The following GNAL variants were observed in gnomAD, a reference collection of about 807,000 sequenced individuals.
GNAL encodes guanine nucleotide-binding protein G(olf) subunit alpha.
A neutral mutation model predicts 55.1 loss-of-function variants in GNAL; 18 were observed. The observed-to-expected ratio is 0.33, with a 90% CI of 0.23 to 0.48. GNAL has a LOEUF of 0.48. Ranked by LOEUF, GNAL falls within the 20% of genes least tolerant of loss-of-function variation. GNAL has a pLI of 0.99. For synonymous variants in GNAL, 253 were observed against 237.0 expected (o/e 1.07, Z -0.62); for missense variants, 412 against 614.1 (o/e 0.67, Z 3.48).
chr18:11,690,491 G>A (rs7231910), intron 1 of GNAL, among the ~76,000 whole-genome samples: 2,379 of 151,790 alleles, frequency 0.016, 64 homozygotes, highest in African/African-American at 0.054. Flanking sequence ...TAAGTTTTAG[G>A]GTACATGTGC....
At chr18:11,724,455 C>T (rs1380731788) in intron 1 of GNAL, among the ~76,000 whole-genome samples, 4 of 152,194 alleles carry the variant, frequency 2.6e-5, no homozygotes, top group Admixed American at 6.5e-5. Flanking sequence ...CCCAGAAAGA[C>T]GGTGCAGTGC....
In GNAL at chr18:11,884,604, G is replaced by T. The variant is rs757591266; in HGVS notation, c.*3469G>T. The stretch of plus-strand genomic sequence containing the variant: ...GTGGGAGGTAGCACTTGGAGAGGGT[G>T]TAGTCTGTGGGCGTGATGCTACCCT... On this transcript the variant is annotated 3_prime_UTR_variant, in exon 12 of 12. Coordinates refer to ENST00000334049, the MANE Select transcript of GNAL (RefSeq NM_182978.4). 3.7e-6 allele frequency: 6 copies of T among 1,613,782 alleles called. No individual in the cohort carries two copies. The highest frequency in any genetic ancestry group is 1.7e-4 in the Middle Eastern group (1 of 6,044).
chr18:11,781,439 C>A (rs1471518456), intron 4 of GNAL, among the ~76,000 whole-genome samples: 2 of 152,138 alleles, frequency 1.3e-5, no homozygotes, highest in Non-Finnish European at 2.9e-5. Flanking sequence ...CTCCCATACA[C>A]CCCCACAGCC....
At chr18:11,851,931 G>A in intron 5 of GNAL, 1 of 1,613,952 alleles carries the variant, frequency 6.2e-7, no homozygotes, top group Non-Finnish European at 8.5e-7. Flanking sequence ...GCAGCACGAC[G>A]ACGCTCACCA....
At chr18:11,809,812 A>G (rs2034763465) in intron 4 of GNAL, among the ~76,000 whole-genome samples, 1 of 152,260 alleles carries the variant, frequency 6.6e-6, no homozygotes, top group Non-Finnish European at 1.5e-5. Flanking sequence ...TGGAAGAAGT[A>G]TTTAAGATTA....
intron 1 of GNAL, among the ~76,000 whole-genome samples, chr18:11,732,514 GTTAT>G (rs1343742554): frequency 6.6e-6 from 1 of 151,286 alleles, no homozygotes; most frequent in African/African-American, 2.5e-5. Flanking sequence ...TTTTAATTGG[GTTAT>G]TTGTCATTTT....
intron 4 of GNAL, among the ~76,000 whole-genome samples, chr18:11,805,457 A>C (rs2034634369): frequency 6.6e-6 from 1 of 152,158 alleles, no homozygotes; most frequent in African/African-American, 2.4e-5. Context: ...TCCATCACCC[A>C]AATAATGTAC....
At chr18:11,775,206 C>G (rs10164166) in intron 4 of GNAL, among the ~76,000 whole-genome samples, 7 of 152,074 alleles carry the variant, frequency 4.6e-5, no homozygotes, top group Admixed American at 2.0e-4. Context: ...GATGAAAGCA[C>G]TGTGTTCTGG....
At chr18:11,770,182 G>C (rs1275657497) in intron 4 of GNAL, among the ~76,000 whole-genome samples, 1 of 151,996 alleles carries the variant, frequency 6.6e-6, no homozygotes, top group Non-Finnish European at 1.5e-5. Context: ...TAATTGAGTT[G>C]TTTCAATAGC....
Position 11,878,473 on chromosome 18 carries a change from T to C in GNAL, c.1230+1785T>C, listed in dbSNP as rs574426397. On this transcript the variant is annotated intron_variant, in intron 11 of 11. Coordinates refer to ENST00000334049, the MANE Select transcript of GNAL (RefSeq NM_182978.4). ...CTCAAAATAAAAACAAAAACAAAAC[T>C]ATTTGAAGCAACGACCTTTGTAATG... 2.0e-5 allele frequency among the ~76,000 whole-genome samples: 3 copies of C among 152,228 alleles called. No homozygotes were observed. In the South Asian group the frequency reaches 6.2e-4, roughly 32 times the overall value.
At chr18:11,858,548 C>G (rs1346622917) in intron 5 of GNAL, among the ~76,000 whole-genome samples, 1 of 152,040 alleles carries the variant, frequency 6.6e-6, no homozygotes, top group Non-Finnish European at 1.5e-5. Flanking sequence ...TCACAGAAGC[C>G]CCAATTTGAA....
chr18:11,727,293 ACAC>A (rs1189757286), intron 1 of GNAL, among the ~76,000 whole-genome samples: 3 of 152,150 alleles, frequency 2.0e-5, no homozygotes, highest in African/African-American at 7.2e-5. Context: ...GGGAGTCCCC[ACAC>A]TTTCCCACCT....
At chr18:11,843,854 T>G (rs1446966846) in intron 5 of GNAL, among the ~76,000 whole-genome samples, 1 of 151,962 alleles carries the variant, frequency 6.6e-6, no homozygotes, top group Admixed American at 6.6e-5. Context: ...ATGCCTGTAA[T>G]CCCAGCTACT....
In GNAL at chr18:11,753,893, G is replaced by A; in HGVS notation, c.572G>A (p.Arg191Gln). The A allele has an allele frequency of 6.2e-7, 1 of 1,608,990 alleles. No homozygotes were observed. Among genetic ancestry groups the A allele is most frequent in the African/African-American group, 1.3e-5 (1 of 74,866 alleles). The change falls in exon 4 of 12, where the codon CGA becomes CAA. Residue 191 changes from arginine (R) to glutamine (Q), a missense_variant. Physicochemically the swap from Arg to Gln is conservative, Grantham distance 43. This residue lies in a region of GNAL where 47 missense variants were observed against 82.7 expected (regional missense o/e 0.57). Transcript: ENST00000334049. ...VPLANPENQF[R>Q]SDYIKSIAPI... ...CTGGCCAACCCTGAAAACCAATTTCGATCAGACTACATCAAGAGCATAGCC... is the reference window on the plus strand; with the variant it reads ...CTGGCCAACCCTGAAAACCAATTTCAATCAGACTACATCAAGAGCATAGCC...
chr18:11,796,593 A>C (rs902143169), intron 4 of GNAL, among the ~76,000 whole-genome samples: 19 of 150,302 alleles, frequency 1.3e-4, no homozygotes, highest in Non-Finnish European at 2.4e-4. Context: ...AAAAAAAAAA[A>C]AACAAAACAC....
intron 5 of GNAL, among the ~76,000 whole-genome samples, chr18:11,827,659 CACG>C (rs34003432): frequency 0.3 from 46,123 of 151,478 alleles, 8,356 homozygotes; most frequent in African/African-American, 0.51. Context: ...TCCTGCCATG[CACG>C]ACAAGTCCTT....
At chr18:11,786,412 G>T (rs919368781) in intron 4 of GNAL, among the ~76,000 whole-genome samples, 1 of 146,654 alleles carries the variant, frequency 6.8e-6, no homozygotes, top group African/African-American at 2.5e-5. Flanking sequence ...AAGAAGCGTG[G>T]TGGGATAGAT....
intron 4 of GNAL, among the ~76,000 whole-genome samples, chr18:11,778,197 T>A (rs2033835878): frequency 6.6e-6 from 1 of 152,204 alleles, no homozygotes; most frequent in Admixed American, 6.5e-5. Flanking sequence ...CCTTAAGAGT[T>A]GAAAAGTTTT....
At chr18:11,823,417 C>T (rs1352054444) in intron 4 of GNAL, among the ~76,000 whole-genome samples, 1 of 152,162 alleles carries the variant, frequency 6.6e-6, no homozygotes, top group African/African-American at 2.4e-5. Flanking sequence ...TATGCCATAA[C>T]TTACAAGATT....
Sources: gnomAD v4.1 joint callset for allele counts (sites outside exome capture counted in the v4.1 genomes callset) on GRCh38, gnomAD v4.1.1 for gene constraint, gnomAD v4.1.1 regional missense constraint, MANE v1.5 for transcripts, NCBI Gene and HGNC (gene_info 2026-07-23, HGNC 2026-07-21) for gene names.